The following SLIT2 variants were observed in gnomAD, a reference collection of about 807,000 sequenced individuals.
The protein encoded by SLIT2 is slit homolog 2 protein.
In SLIT2, 41 loss-of-function variants were observed where a neutral mutation model predicts 185.7. The ratio of observed to expected loss-of-function variants is 0.22; its 90% CI spans 0.17 to 0.29. The LOEUF is 0.29. SLIT2 is among the 10% of genes least tolerant of loss of function. The pLI, the probability that SLIT2 is intolerant of heterozygous loss-of-function variation, is 1.00. For missense variants in SLIT2, 1,571 were observed against 1,909.0 expected (o/e 0.82, Z 3.30); for synonymous variants, 693 against 680.2 (o/e 1.02, Z -0.29).
At chr4:20,577,681 TCATCAGCTATATCCAC>T (rs1315458840) in intron 29 of SLIT2, among the ~76,000 whole-genome samples, 1 of 152,202 alleles carries the variant, frequency 6.6e-6, no homozygotes, top group Non-Finnish European at 1.5e-5. Context: ...TCCCATAATC[TCATCAGCTATATCCAC>T]CCTGTGCTAT....
chr4:20,501,668 G>T (rs117044239), intron 9 of SLIT2, among the ~76,000 whole-genome samples: 2,006 of 152,254 alleles, frequency 0.013, 27 homozygotes, highest in South Asian at 0.073. Flanking sequence ...GCAAAACAGT[G>T]TAAAAAGAAT....
At chr4:20,417,436 G>GTGTATATATATATA (rs1553898364) in intron 4 of SLIT2, among the ~76,000 whole-genome samples, 152 of 123,668 alleles carry the variant, frequency 1.2e-3, no homozygotes, top group African/African-American at 3.3e-3. Flanking sequence ...ATGTGTGTGT[G>GTGTATATATATATA]TATATATATA....
chr4:20,431,796 G>A (rs936922602), intron 4 of SLIT2, among the ~76,000 whole-genome samples: 9 of 152,100 alleles, frequency 5.9e-5, no homozygotes, highest in Non-Finnish European at 8.8e-5. Flanking sequence ...CACCCTCTTC[G>A]TTAAAATGTC....
At position 20,518,557 on chromosome 4, in the gene SLIT2, G is replaced by GTGTGTATATATATATATATATATA. The variant is rs1271279922; in HGVS notation, c.1059-824_1059-823insGTGTATATATATATATATATATAT. Among the ~76,000 whole-genome samples the GTGTGTATATATATATATATATATA allele has an allele frequency of 1.0e-3, 18 of 17,856 alleles. 1 individual carries two copies. Among genetic ancestry groups the GTGTGTATATATATATATATATATA allele is most frequent in the East Asian group, 1.9e-3 (1 of 540 alleles). 11.7% of individuals were successfully genotyped at this position (17,856 alleles called of 152,430 possible). A position where few individuals can be genotyped will look rare whatever the true frequency, so the allele number is the denominator to read the frequency against. On this transcript the variant is annotated intron_variant, in intron 11 of 36. Transcript: ENST00000504154. Reference sequence around the variant, plus strand: ...ATGAGCCACTGTGCCCAGCCTATATGTATATATATATATATATATATATAT... The same window carrying GTGTGTATATATATATATATATATA: ...ATGAGCCACTGTGCCCAGCCTATATGTGTGTATATATATATATATATATATATATATATATATATATATATATAT...
intron 4 of SLIT2, among the ~76,000 whole-genome samples, chr4:20,342,200 G>A (rs1172132476): frequency 6.6e-6 from 1 of 152,014 alleles, no homozygotes; most frequent in Admixed American, 6.6e-5. Flanking sequence ...ATTCCACTGT[G>A]GGATAAAATA....
chr4:20,606,493 A>G (rs1235148175), intron 33 of SLIT2, among the ~76,000 whole-genome samples: 1 of 151,692 alleles, frequency 6.6e-6, no homozygotes, highest in Admixed American at 6.6e-5. Flanking sequence ...AAAAAAAAAA[A>G]GGAATCTAAA....
intron 4 of SLIT2, among the ~76,000 whole-genome samples, chr4:20,458,792 C>G (rs781592961): frequency 6.6e-5 from 10 of 152,318 alleles, no homozygotes; most frequent in Non-Finnish European, 1.3e-4. Context: ...AATAATGTAA[C>G]CTCTCCAAAC....
intron 4 of SLIT2, among the ~76,000 whole-genome samples, chr4:20,278,237 TG>T (rs950989008): frequency 1.3e-5 from 2 of 151,828 alleles, no homozygotes; most frequent in African/African-American, 4.8e-5. Context: ...TTTTTTTTTT[TG>T]TTGTTGTTGT....
chr4:20,594,761 G>A (rs1171229707), intron 30 of SLIT2, among the ~76,000 whole-genome samples: 2 of 152,156 alleles, frequency 1.3e-5, no homozygotes, highest in African/African-American at 2.4e-5. Flanking sequence ...TAGTGCAGTG[G>A]TTAGAAATAC....
At chr4:20,395,244 C>T (rs1188363868) in intron 4 of SLIT2, among the ~76,000 whole-genome samples, 2 of 151,842 alleles carry the variant, frequency 1.3e-5, no homozygotes, top group Non-Finnish European at 2.9e-5. Flanking sequence ...ATGTGAAGGA[C>T]GAGCAGAGCT....
At chr4:20,359,168 G>GTA (rs910455917) in intron 4 of SLIT2, among the ~76,000 whole-genome samples, 2 of 152,142 alleles carry the variant, frequency 1.3e-5, no homozygotes, top group African/African-American at 4.8e-5. Context: ...TGAAGGCAGA[G>GTA]TATAATATGG....
At position 20,378,710 on chromosome 4, in the gene SLIT2, TACTAAGCTAA is replaced by T. The variant is rs574545556; in HGVS notation, c.396-89039_396-89030del. 5.7e-4 allele frequency among the ~76,000 whole-genome samples: 87 copies of T among 152,284 alleles called. No homozygotes were observed. In the South Asian group the frequency reaches 0.014, roughly 25 times the overall value. On this transcript the variant is annotated intron_variant, in intron 4 of 36. Coordinates refer to ENST00000504154, the MANE Select transcript of SLIT2 (RefSeq NM_004787.4). ...TTTGGAAAACAGTTAGCCAGTTTCT[TACTAAGCTAA>T]ACATCTCTGGGCATTGGTATTTACT... is the stretch of plus-strand genomic sequence containing the variant.
intron 4 of SLIT2, among the ~76,000 whole-genome samples, chr4:20,309,575 T>C (rs1231016576): frequency 6.6e-6 from 1 of 152,020 alleles, no homozygotes; most frequent in Non-Finnish European, 1.5e-5. Flanking sequence ...CCTCTTTACT[T>C]GTGTAAGATC....
At chr4:20,314,753 A>C (rs536875681) in intron 4 of SLIT2, among the ~76,000 whole-genome samples, 24 of 152,140 alleles carry the variant, frequency 1.6e-4, no homozygotes, top group Non-Finnish European at 2.9e-4. Flanking sequence ...AATTGAAAAA[A>C]TGATGTTAAC....
At position 20,506,742 on chromosome 4, in the gene SLIT2, A is replaced by G. The variant is rs573639883; in HGVS notation, c.915-3753A>G. Among the ~76,000 whole-genome samples the G allele has an allele frequency of 1.5e-4, 23 of 152,082 alleles. No individual in the cohort carries two copies. The South Asian group carries it at 3.5e-3, about 23-fold the overall frequency. On this transcript the variant is annotated intron_variant, in intron 9 of 36. Coordinates refer to ENST00000504154, the MANE Select transcript of SLIT2 (RefSeq NM_004787.4). ...ACATTAGTTTATTGTTTCTCCACTA[A>G]ATAAGAGAGAACAGACATTTTATAA... is the stretch of plus-strand genomic sequence containing the variant.
At chr4:20,577,195 AATAAT>A (rs763108075) in intron 29 of SLIT2, among the ~76,000 whole-genome samples, 3 of 152,184 alleles carry the variant, frequency 2.0e-5, no homozygotes, top group Non-Finnish European at 4.4e-5. Flanking sequence ...CAAGAACATT[AATAAT>A]ATAATATAGC....
chr4:20,315,004 G>C (rs903665642), intron 4 of SLIT2, among the ~76,000 whole-genome samples: 4 of 52,920 alleles, frequency 7.6e-5, no homozygotes, highest in African/African-American at 2.8e-4. Context: ...TGTATTACCT[G>C]TAATAAAATA....
At chr4:20,327,556 T>C (rs535569192) in intron 4 of SLIT2, among the ~76,000 whole-genome samples, 1 of 152,170 alleles carries the variant, frequency 6.6e-6, no homozygotes, top group African/African-American at 2.4e-5. Flanking sequence ...GCAAGCATTA[T>C]TTGTAATTAG....
chr4:20,489,922 A>G (rs1192294189), intron 8 of SLIT2: 1 of 151,800 alleles, frequency 6.6e-6, no homozygotes, highest in African/African-American at 2.4e-5. Context: ...CCCTGTCTCT[A>G]TTAAAAATAC....
Sources: allele counts gnomAD v4.1 joint callset (sites outside exome capture counted in the v4.1 genomes callset), GRCh38; gene constraint gnomAD v4.1.1; transcripts MANE v1.5; gene names NCBI Gene and HGNC (gene_info 2026-07-23, HGNC 2026-07-21).